The following PARG variants were observed in gnomAD, a reference collection of about 807,000 sequenced individuals.
The protein encoded by PARG is mitochondrial poly(ADP-ribose) glycohydrolase.
In PARG, 35 loss-of-function variants were observed where a neutral mutation model predicts 113.0. That is an observed-to-expected ratio of 0.31 (90% CI 0.24 to 0.41). The LOEUF (loss-of-function observed/expected upper bound fraction) is 0.41, where lower values mean the gene tolerates loss of function less well. PARG is among the 10% of genes least tolerant of loss of function. The pLI is 1.00. For missense variants in PARG, 797 were observed against 1,169.4 expected, an observed-to-expected ratio of 0.68 and a Z score of 4.64; for synonymous variants, 330 against 409.9, an observed-to-expected ratio of 0.81 and a Z score of 2.36.
chr10:49,920,184 C>T (rs1393697871), intron 6 of PARG, among the ~76,000 whole-genome samples: 2 of 151,384 alleles, frequency 1.3e-5, no homozygotes, highest in Non-Finnish European at 2.9e-5. Flanking sequence ...GCCTATAATC[C>T]CAGCCAGCAC....
chr10:49,927,423 A>AAGAAAAG (rs1564664988), intron 4 of PARG, among the ~76,000 whole-genome samples: 89 of 151,066 alleles, frequency 5.9e-4, no homozygotes, highest in African/African-American at 2.0e-3. Flanking sequence ...AGAAAGAAAA[A>AAGAAAAG]TAAACCTGTG....
intron 4 of PARG, among the ~76,000 whole-genome samples, chr10:49,923,361 C>A (rs1307764238): frequency 2.0e-5 from 3 of 152,254 alleles, no homozygotes; most frequent in Non-Finnish European, 4.4e-5. Flanking sequence ...CTCTCCCTCA[C>A]TAGATCCCAA....
chr10:49,845,112 A>G (rs1242924201), intron 13 of PARG, among the ~76,000 whole-genome samples: 2 of 152,236 alleles, frequency 1.3e-5, no homozygotes, highest in Non-Finnish European at 2.9e-5. Context: ...GAATGACAAC[A>G]CTAAATGTTG....
At chr10:49,935,528 T>C (rs1838701771) in intron 1 of PARG, among the ~76,000 whole-genome samples, 2 of 152,342 alleles carry the variant, frequency 1.3e-5, no homozygotes, top group African/African-American at 2.4e-5. Context: ...TAAGTAAAAA[T>C]AGTTCATGTA....
At chr10:49,873,992 T>TA in intron 9 of PARG, among the ~76,000 whole-genome samples, 1 of 149,524 alleles carries the variant, frequency 6.7e-6, no homozygotes, top group East Asian at 1.9e-4. Flanking sequence ...AAAATAGTTC[T>TA]AATTTTTGAC....
chr10:49,876,863 C>T (rs1554838482), intron 9 of PARG, among the ~76,000 whole-genome samples: 1 of 151,058 alleles, frequency 6.6e-6, no homozygotes, highest in Non-Finnish European at 1.5e-5. Context: ...AACTTACCTA[C>T]TGTACAAACT....
rs1415219168 is a variant in PARG at position 49,933,815 on chromosome 10, G to A, written c.633C>T (p.Leu211=). ...SEENRDNQQF[L]TTVKLANAKQ... ...TTGCATTTGCAAGCTTTACAGTTGT[G>A]AGAAACTGTTGATTGTCTCTATTCT... Residue 211 remains leucine (L), a synonymous_variant, in exon 3 of 18, where the codon CTC becomes CTT. Coordinates refer to ENST00000616448, the MANE Select transcript of PARG (RefSeq NM_003631.5). 3 of 1,612,418 alleles carry A rather than the reference G, an allele frequency of 1.9e-6. No individual in the cohort carries two copies. Among genetic ancestry groups the A allele is most frequent in the Non-Finnish European group, 2.5e-6 (3 of 1,178,620 alleles).
At chr10:49,862,035 C>T (rs1231503134) in intron 11 of PARG, among the ~76,000 whole-genome samples, 1 of 151,658 alleles carries the variant, frequency 6.6e-6, no homozygotes, top group African/African-American at 2.4e-5. Context: ...GGCAATAAAT[C>T]ATATATGATT....
chr10:49,837,974 A>G (rs1338094474), intron 15 of PARG, among the ~76,000 whole-genome samples: 1 of 152,228 alleles, frequency 6.6e-6, no homozygotes, highest in Non-Finnish European at 1.5e-5. Flanking sequence ...TACCTTGCTC[A>G]CAGCAGAAGT....
chr10:49,931,518 A>C (rs1424919408), intron 4 of PARG, among the ~76,000 whole-genome samples: 3 of 151,938 alleles, frequency 2.0e-5, no homozygotes, highest in Non-Finnish European at 4.4e-5. Context: ...CCCACCCAGG[A>C]ACTGACTCAG....
Position 49,919,434 on chromosome 10 carries a change from G to A in PARG, c.1662+2902C>T, listed in dbSNP as rs147153837. 4.5e-3 allele frequency among the ~76,000 whole-genome samples: 689 copies of A among 152,318 alleles called. 3 individuals carry two copies. The highest frequency in any genetic ancestry group is 0.017 in the Middle Eastern group (5 of 294). On this transcript the variant is annotated intron_variant, in intron 6 of 17. Transcript: ENST00000616448. ...AACAATGGCCAAATAACAACACGCT[G>A]TACGAATGAAGGCTAGTACTATTAA...
chr10:49,820,564 A>G (rs1213464782), intron 16 of PARG, among the ~76,000 whole-genome samples: 1 of 151,808 alleles, frequency 6.6e-6, no homozygotes, highest in Non-Finnish European at 1.5e-5. Context: ...AAAAATACAA[A>G]AAAAAAATTT....
At chr10:49,832,292 C>T (rs538352250) in intron 16 of PARG, among the ~76,000 whole-genome samples, 2 of 152,354 alleles carry the variant, frequency 1.3e-5, no homozygotes, top group Non-Finnish European at 2.9e-5. Flanking sequence ...GCCTCCACTA[C>T]AGCACTCATT....
At chr10:49,868,771 T>C (rs1282719014) in intron 10 of PARG, among the ~76,000 whole-genome samples, 1 of 151,942 alleles carries the variant, frequency 6.6e-6, no homozygotes, top group Non-Finnish European at 1.5e-5. Context: ...TGTATCTTCT[T>C]GTTTAATATC....
rs2132969268 is a variant in PARG, at chr10:49,932,287, A to C, written c.1272-4T>G. 3.9e-6 allele frequency: 6 copies of C among 1,527,568 alleles called. No homozygotes were observed. The South Asian group carries it at 6.7e-5, about 17-fold the overall frequency. The allele number at this position is 1,527,568 out of a possible 1,614,324, so 94.6% of individuals were successfully genotyped here. ...TTTGGTTTCCCACTGTTCTTTTCTA[A>C]GGTCAAGACAAATGTATTTAGTCAC... is the stretch of plus-strand genomic sequence containing the variant. On this transcript the variant is annotated splice_polypyrimidine_tract_variant and splice_region_variant and intron_variant, in intron 3 of 17. Coordinates refer to ENST00000616448, the MANE Select transcript of PARG (RefSeq NM_003631.5).
At chr10:49,825,165 T>A (rs1844290856) in intron 16 of PARG, among the ~76,000 whole-genome samples, 1 of 152,192 alleles carries the variant, frequency 6.6e-6, no homozygotes, top group African/African-American at 2.4e-5. Context: ...ACAGCACTCT[T>A]CGAGGCCAAC....
intron 6 of PARG, 104 bp downstream of exon 6, chr10:49,922,232 T>C: frequency 8.2e-7 from 1 of 1,217,174 alleles, no homozygotes; most frequent in East Asian, 2.6e-5. Context: ...AGCAAGCATT[T>C]TGCATCTAAA....
At chr10:49,843,435 CT>C in intron 14 of PARG, 118 bp downstream of exon 14, 1 of 698,566 alleles carries the variant, frequency 1.4e-6, no homozygotes, top group Non-Finnish European at 2.6e-6. Context: ...GATTTCTTTT[CT>C]TTTTTCTTTT....
At chr10:49,923,431 T>C (rs138431526) in intron 4 of PARG, among the ~76,000 whole-genome samples, 10,585 of 152,186 alleles carry the variant, frequency 0.07, 513 homozygotes, top group African/African-American at 0.12. Context: ...GAACCTGGTA[T>C]GTGTACATGT....
Sources: allele counts gnomAD v4.1 joint callset (sites outside exome capture counted in the v4.1 genomes callset), GRCh38; gene constraint gnomAD v4.1.1; transcripts MANE v1.5; gene names NCBI Gene and HGNC (gene_info 2026-07-23, HGNC 2026-07-21).